The following CHST11 variants were observed in gnomAD, a reference collection of about 807,000 sequenced individuals.
CHST11 encodes C4S-1.
A neutral mutation model predicts 30.4 loss-of-function variants in CHST11; 9 were observed. The observed-to-expected ratio is 0.30, with a 90% CI of 0.18 to 0.52. The LOEUF (loss-of-function observed/expected upper bound fraction) is 0.52, where lower values mean the gene tolerates loss of function less well. CHST11 is among the 20% of genes least tolerant of loss of function. The pLI is 0.97. For synonymous variants in CHST11, 152 were observed against 187.8 expected, an observed-to-expected ratio of 0.81 and a Z score of 1.56; for missense variants, 348 against 460.6, an observed-to-expected ratio of 0.76 and a Z score of 2.24.
intron 2 of CHST11, among the ~76,000 whole-genome samples, chr12:104,632,638 C>T (rs543580152): frequency 6.6e-6 from 1 of 152,230 alleles, no homozygotes; most frequent in African/African-American, 2.4e-5. Flanking sequence ...TCCATCCGCT[C>T]AAACGGGTTT....
At chr12:104,463,653 G>C (rs1017552027) in intron 1 of CHST11, among the ~76,000 whole-genome samples, 1 of 152,188 alleles carries the variant, frequency 6.6e-6, no homozygotes, top group Non-Finnish European at 1.5e-5. Flanking sequence ...ATGGTGTTAA[G>C]AGAAAAACAA....
chr12:104,605,122 C>A (rs1333791022), intron 2 of CHST11, among the ~76,000 whole-genome samples: 1 of 128,774 alleles, frequency 7.8e-6, no homozygotes, highest in Non-Finnish European at 1.6e-5. Flanking sequence ...TAGCAAAGTT[C>A]TCTTGGTGGG....
Position 104,637,302 on chromosome 12 carries a change from T to TAAAAAAAAAAAAAAAAAA in CHST11, c.204+35327_204+35344dup, listed in dbSNP as rs10622882. Reference sequence around the variant, plus strand: ...CCTGGGCCATGGGAGTGAGACCCTGTAAAAAAAAAAAAAAAAAAAAAAAAA... The same window carrying TAAAAAAAAAAAAAAAAAA: ...CCTGGGCCATGGGAGTGAGACCCTGTAAAAAAAAAAAAAAAAAAAAAAAAAAAAAAAAAAAAAAAAAAA... On this transcript the variant is annotated intron_variant, in intron 2 of 2. Coordinates refer to ENST00000303694, the MANE Select transcript of CHST11 (RefSeq NM_018413.6). Among the ~76,000 whole-genome samples the TAAAAAAAAAAAAAAAAAA allele has an allele frequency of 4.3e-4, 27 of 62,566 alleles. 1 individual carries two copies. Among genetic ancestry groups the TAAAAAAAAAAAAAAAAAA allele is most frequent in the Non-Finnish European group, 5.2e-4 (19 of 36,754 alleles). 41.0% of individuals were successfully genotyped at this position (62,566 alleles called of 152,430 possible).
intron 1 of CHST11, among the ~76,000 whole-genome samples, chr12:104,577,250 T>C (rs1003227890): frequency 1.3e-5 from 2 of 149,202 alleles, no homozygotes; most frequent in Admixed American, 6.7e-5. Context: ...TTTTTTTTTT[T>C]TTTTTTTTTT....
rs911965289 is a variant in CHST11 at position 104,538,929 on chromosome 12, A to T, written c.119-62977A>T. On this transcript the variant is annotated intron_variant, in intron 1 of 2. Coordinates refer to ENST00000303694, the MANE Select transcript of CHST11 (RefSeq NM_018413.6). ...CAGACACGGTGTCTGCATTCAACAT[A>T]TGCCAACTCATTGAATCCACACGAC... 6.6e-5 allele frequency among the ~76,000 whole-genome samples: 10 copies of T among 152,188 alleles called. No individual in the cohort carries two copies. The East Asian group carries it at 1.5e-3, about 23-fold the overall frequency.
At chr12:104,510,174 G>A (rs1210155430) in intron 1 of CHST11, among the ~76,000 whole-genome samples, 1 of 152,150 alleles carries the variant, frequency 6.6e-6, no homozygotes, top group Non-Finnish European at 1.5e-5. Context: ...TTCATTTTCT[G>A]TTTAGTAAGA....
chr12:104,586,932 G>A (rs944684416), intron 1 of CHST11, among the ~76,000 whole-genome samples: 3 of 152,112 alleles, frequency 2.0e-5, no homozygotes, highest in African/African-American at 7.2e-5. Context: ...CTTGAACTGC[G>A]TTTTTTCCAC....
chr12:104,483,526 T>C (rs2037648525), intron 1 of CHST11, among the ~76,000 whole-genome samples: 1 of 152,194 alleles, frequency 6.6e-6, no homozygotes. Flanking sequence ...CTTTGACTTT[T>C]TTTCATTGCA....
intron 2 of CHST11, among the ~76,000 whole-genome samples, chr12:104,725,281 C>T (rs1272782774): frequency 6.6e-6 from 1 of 152,148 alleles, no homozygotes; most frequent in African/African-American, 2.4e-5. Context: ...CTTTGCCTTC[C>T]TTTATGAATT....
chr12:104,540,194 G>A (rs1376754632), intron 1 of CHST11, among the ~76,000 whole-genome samples: 1 of 152,200 alleles, frequency 6.6e-6, no homozygotes, highest in Non-Finnish European at 1.5e-5. Context: ...TTGAACCCAT[G>A]AGTGTGGAAC....
chr12:104,557,695 G>A (rs2038471007), intron 1 of CHST11, among the ~76,000 whole-genome samples: 1 of 152,130 alleles, frequency 6.6e-6, no homozygotes, highest in South Asian at 2.1e-4. Flanking sequence ...AGGGTGGATT[G>A]TCCCTAGGAG....
intron 1 of CHST11, among the ~76,000 whole-genome samples, chr12:104,497,558 T>C (rs1025771153): frequency 1.3e-5 from 2 of 152,076 alleles, no homozygotes; most frequent in Middle Eastern, 3.2e-3. Flanking sequence ...CCTCTGATGC[T>C]TAAGTACCTC....
At chr12:104,478,998 G>A (rs1220698139) in intron 1 of CHST11, among the ~76,000 whole-genome samples, 1 of 152,112 alleles carries the variant, frequency 6.6e-6, no homozygotes, top group East Asian at 1.9e-4. Flanking sequence ...AACAGTGCAT[G>A]TCCAAGGCAT....
intron 2 of CHST11, among the ~76,000 whole-genome samples, chr12:104,647,809 A>T (rs2039449524): frequency 6.6e-6 from 1 of 152,192 alleles, no homozygotes; most frequent in Non-Finnish European, 1.5e-5. Flanking sequence ...CTGTAGTCAG[A>T]TGTTGGCTGG....
chr12:104,548,781 C>T (rs1399822070), intron 1 of CHST11, among the ~76,000 whole-genome samples: 1 of 152,162 alleles, frequency 6.6e-6, no homozygotes, highest in Non-Finnish European at 1.5e-5. Flanking sequence ...CCTCCCTGAA[C>T]GCAGGCAGGC....
intron 2 of CHST11, among the ~76,000 whole-genome samples, chr12:104,725,333 G>A (rs917497382): frequency 3.3e-5 from 5 of 152,068 alleles, no homozygotes; most frequent in African/African-American, 7.2e-5. Context: ...CCGTGGTGCC[G>A]AAACAAGAAA....
At chr12:104,641,304 G>C (rs909485072) in intron 2 of CHST11, among the ~76,000 whole-genome samples, 10 of 152,206 alleles carry the variant, frequency 6.6e-5, no homozygotes, top group Admixed American at 6.5e-4. Context: ...CATCCACTGA[G>C]CTGTTAACAC....
At chr12:104,548,254 A>G (rs1303510917) in intron 1 of CHST11, among the ~76,000 whole-genome samples, 2 of 152,202 alleles carry the variant, frequency 1.3e-5, no homozygotes, top group Admixed American at 6.5e-5. Flanking sequence ...GAAAGCAGGG[A>G]AGGAGGCAAG....
intron 1 of CHST11, among the ~76,000 whole-genome samples, chr12:104,457,830 T>TTGTC (rs2037369722): frequency 6.7e-6 from 1 of 149,580 alleles, no homozygotes; most frequent in Non-Finnish European, 1.5e-5. Context: ...TTTGTGTCCC[T>TTGTC]TGTCTGTCTG....
Sources: gnomAD v4.1 joint callset for allele counts (sites outside exome capture counted in the v4.1 genomes callset) on GRCh38, gnomAD v4.1.1 for gene constraint, MANE v1.5 for transcripts, NCBI Gene and HGNC (gene_info 2026-07-23, HGNC 2026-07-21) for gene names.